MARCHF1: variants seen among roughly 807,000 people sequenced by gnomAD.
MARCHF1 encodes membrane associated ring-CH-type finger 1.
A neutral mutation model predicts 54.2 loss-of-function variants in MARCHF1; 40 were observed. The observed-to-expected ratio is 0.74, with a 90% CI of 0.57 to 0.96. The LOEUF is 0.96. MARCHF1 is among the 40% of genes least tolerant of loss of function. MARCHF1 has a pLI of 0.00. For missense variants in MARCHF1, 586 were observed against 656.5 expected, an observed-to-expected ratio of 0.89 and a Z score of 1.17; for synonymous variants, 236 against 236.3, an observed-to-expected ratio of 1.00 and a Z score of 0.01.
intron 4 of MARCHF1, among the ~76,000 whole-genome samples, chr4:163,832,755 A>G (rs1374788311): frequency 1.7e-5 from 2 of 117,696 alleles, no homozygotes; most frequent in Admixed American, 1.9e-4. Flanking sequence ...CAACCCCACA[A>G]CAGTCTCCAG....
At chr4:163,928,807 T>C (rs1242097120) in intron 3 of MARCHF1, among the ~76,000 whole-genome samples, 1 of 151,930 alleles carries the variant, frequency 6.6e-6, no homozygotes, top group Admixed American at 6.6e-5. Flanking sequence ...TAATTTCTTT[T>C]CACTGGGTTT....
chr4:163,756,767 A>G (rs1746686678), intron 4 of MARCHF1, among the ~76,000 whole-genome samples: 2 of 151,924 alleles, frequency 1.3e-5, no homozygotes, highest in African/African-American at 4.8e-5. Flanking sequence ...AATGTTTTAT[A>G]TTCAGGTGTC....
At chr4:163,935,702 C>CTTTTTTTTTTTTTTTTTTTTTTTT (rs34331599) in intron 3 of MARCHF1, among the ~76,000 whole-genome samples, 1 of 125,758 alleles carries the variant, frequency 8.0e-6, no homozygotes, top group Non-Finnish European at 1.7e-5. Flanking sequence ...TGCTTGCTTT[C>CTTTTTTTTTTTTTTTTTTTTTTTT]TTTTTTTTTT....
intron 1 of MARCHF1, among the ~76,000 whole-genome samples, chr4:164,340,610 A>ACAGGGTTTCACCACATTGGC (rs1729895882): frequency 1.3e-5 from 2 of 151,166 alleles, no homozygotes; most frequent in Admixed American, 6.6e-5. Flanking sequence ...TTTAGTAGAG[A>ACAGGGTTTCACCACATTGGC]CAGGGTTTCA....
chr4:163,774,487 C>T (rs1488017382), intron 4 of MARCHF1, among the ~76,000 whole-genome samples: 2 of 145,102 alleles, frequency 1.4e-5, no homozygotes, highest in African/African-American at 5.1e-5. Flanking sequence ...ATGTTTAGTG[C>T]ACTCAAGTGT....
intron 4 of MARCHF1, among the ~76,000 whole-genome samples, chr4:163,760,648 C>T (rs769256199): frequency 9.2e-5 from 14 of 152,092 alleles, no homozygotes; most frequent in Admixed American, 2.0e-4. Flanking sequence ...CATTAAAAGG[C>T]GATTCCCTTG....
Position 163,528,101 on chromosome 4 carries a change from T to C in MARCHF1, c.*647A>G, listed in dbSNP as rs896771537. 1.3e-5 allele frequency: 2 copies of C among 152,488 alleles called. No individual in the cohort carries two copies. The highest frequency in any genetic ancestry group is 4.8e-5 in the African/African-American group (2 of 41,406). The allele number at this position is 152,488 out of a possible 1,614,324, so 9.4% of individuals were successfully genotyped here. A position where few individuals can be genotyped will look rare whatever the true frequency, so the allele number is the denominator to read the frequency against. The stretch of plus-strand genomic sequence containing the variant: ...ATATCCGAACATTTTCTGAAAATCT[T>C]TTGCGTGACTTAAACAAACGTAATT... On this transcript the variant is annotated 3_prime_UTR_variant, in exon 10 of 10. Transcript: ENST00000514618.
At chr4:164,361,581 A>C (rs1730723339) in intron 1 of MARCHF1, among the ~76,000 whole-genome samples, 1 of 152,100 alleles carries the variant, frequency 6.6e-6, no homozygotes, top group African/African-American at 2.4e-5. Context: ...GTATATATTC[A>C]TGCAACTCTG....
Position 163,812,233 on chromosome 4 carries a change from C to A in MARCHF1, c.111+41788G>T, listed in dbSNP as rs1459117815. Among the ~76,000 whole-genome samples, 4 of 151,446 alleles carry A rather than the reference C, an allele frequency of 2.6e-5. No individual in the cohort carries two copies. In the East Asian group the frequency reaches 7.7e-4, roughly 29 times the overall value. ...ACCAATATCCTAAAATAAATCTCTT[C>A]ATCTATATCTCTATATAATATATAG... On this transcript the variant is annotated intron_variant, in intron 4 of 9. Coordinates refer to ENST00000514618, the MANE Select transcript of MARCHF1 (RefSeq NM_001394959.1).
intron 2 of MARCHF1, among the ~76,000 whole-genome samples, chr4:164,046,842 G>A (rs1426476247): frequency 6.6e-6 from 1 of 152,040 alleles, no homozygotes; most frequent in African/African-American, 2.4e-5. Flanking sequence ...GAAGTTTCAT[G>A]GAAAAAGGAT....
intron 1 of MARCHF1, among the ~76,000 whole-genome samples, chr4:164,329,340 A>G (rs1320892549): frequency 1.3e-5 from 2 of 152,210 alleles, no homozygotes; most frequent in Non-Finnish European, 2.9e-5. Context: ...AAAGTAGTCA[A>G]TGTGCTCCAC....
chr4:164,012,540 G>A (rs1329382290), intron 2 of MARCHF1, among the ~76,000 whole-genome samples: 1 of 152,112 alleles, frequency 6.6e-6, no homozygotes, highest in African/African-American at 2.4e-5. Context: ...AGCAGCAGCA[G>A]CAGCCAGGCA....
intron 1 of MARCHF1, among the ~76,000 whole-genome samples, chr4:164,131,714 T>C (rs1756304658): frequency 3.3e-5 from 5 of 152,108 alleles, no homozygotes; most frequent in Admixed American, 3.3e-4. Flanking sequence ...CTTGTTTCTT[T>C]TGCCTGCTAC....
chr4:163,603,393 T>C (rs1741036385), intron 7 of MARCHF1, among the ~76,000 whole-genome samples: 1 of 152,118 alleles, frequency 6.6e-6, no homozygotes, highest in African/African-American at 2.4e-5. Flanking sequence ...TTGAGTGATG[T>C]ACTGCAGAGG....
At chr4:163,965,930 C>T (rs933713618) in intron 3 of MARCHF1, among the ~76,000 whole-genome samples, 8 of 152,040 alleles carry the variant, frequency 5.3e-5, no homozygotes, top group African/African-American at 1.9e-4. Flanking sequence ...ATTTGTGCCT[C>T]TCACAATTTT....
chr4:164,091,089 G>A (rs1396598807), intron 2 of MARCHF1, among the ~76,000 whole-genome samples: 1 of 152,048 alleles, frequency 6.6e-6, no homozygotes, highest in Admixed American at 6.6e-5. Context: ...AATGGACTGT[G>A]AAAGAAATAA....
In MARCHF1 at chr4:163,790,526, T is replaced by A. The variant is rs78019897; in HGVS notation, c.111+63495A>T. Among the ~76,000 whole-genome samples, 287 of 152,268 alleles carry A rather than the reference T, an allele frequency of 1.9e-3. 2 individuals are homozygous for A. Among genetic ancestry groups the A allele is most frequent in the African/African-American group, 6.6e-3 (274 of 41,570 alleles). ...GGTGCTAATAATGTCTCTTAAGCTA[T>A]GCAAAGACCTGAAGCCACCTGCATT... On this transcript the variant is annotated intron_variant, in intron 4 of 9. Coordinates refer to ENST00000514618, the MANE Select transcript of MARCHF1 (RefSeq NM_001394959.1).
chr4:164,031,513 CTATTT>C (rs1160410420), intron 2 of MARCHF1, among the ~76,000 whole-genome samples: 5 of 151,796 alleles, frequency 3.3e-5, no homozygotes, highest in African/African-American at 1.2e-4. Flanking sequence ...CCAGGAATAA[CTATTT>C]TATTGAGAGC....
At chr4:164,012,703 T>C (rs923484958) in intron 2 of MARCHF1, among the ~76,000 whole-genome samples, 5 of 152,138 alleles carry the variant, frequency 3.3e-5, no homozygotes, top group African/African-American at 1.2e-4. Flanking sequence ...GAGAGACTCC[T>C]TTTGATTGGG....
Sources: gnomAD v4.1 joint callset for allele counts (sites outside exome capture counted in the v4.1 genomes callset) on GRCh38, gnomAD v4.1.1 for gene constraint, MANE v1.5 for transcripts, NCBI Gene and HGNC (gene_info 2026-07-23, HGNC 2026-07-21) for gene names.